Variants in ATF7IP2 observed in about 807,000 individuals in gnomAD.
ATF7IP2 encodes activating transcription factor 7 interacting protein 2.
Under a neutral mutation model 64.2 loss-of-function variants are expected in ATF7IP2, and 42 were observed. That is an observed-to-expected ratio of 0.65 (90% CI 0.51 to 0.85). The LOEUF (loss-of-function observed/expected upper bound fraction) is 0.85. Ranked by LOEUF, ATF7IP2 falls within the 40% of genes least tolerant of loss-of-function variation. The pLI, the probability that ATF7IP2 is intolerant of heterozygous loss-of-function variation, is 0.00. For missense variants in ATF7IP2, 933 were observed against 784.2 expected, an observed-to-expected ratio of 1.19 and a Z score of -2.27; for synonymous variants, 308 against 272.8, an observed-to-expected ratio of 1.13 and a Z score of -1.27.
chr16:10,473,543 T>G lies in ATF7IP2; in HGVS notation c.1482+9T>G, dbSNP rs748159651. 6.6e-7 allele frequency: 1 copy of G among 1,525,506 alleles called. No homozygotes were observed. Among genetic ancestry groups the G allele is most frequent in the Non-Finnish European group, 9.0e-7 (1 of 1,109,078 alleles). The allele number at this position is 1,525,506 out of a possible 1,614,324, so 94.5% of individuals were successfully genotyped here. ...CCAATGCTGAAGTTATGGTGAGTAA[T>G]AAATATTGACTCTGAATATTGTTTA... On this transcript the variant is annotated intron_variant, in intron 11 of 13. Coordinates refer to ENST00000562102, the MANE Select transcript of ATF7IP2 (RefSeq NM_001393719.1).
chr16:10,409,421 A>G (rs1450669405), intron 1 of ATF7IP2, among the ~76,000 whole-genome samples: 1 of 152,162 alleles, frequency 6.6e-6, no homozygotes, highest in Non-Finnish European at 1.5e-5. Context: ...TATATCTTAT[A>G]TGTAGAAGGG....
chr16:10,420,509 C>T (rs973375469), intron 3 of ATF7IP2, among the ~76,000 whole-genome samples: 1 of 152,182 alleles, frequency 6.6e-6, no homozygotes, highest in African/African-American at 2.4e-5. Flanking sequence ...GCGTTTGAGA[C>T]CAGAGGCATT....
chr16:10,389,509 C>T lies in ATF7IP2; in HGVS notation c.-242+3387C>T, dbSNP rs142694000. 4.3e-3 allele frequency among the ~76,000 whole-genome samples: 658 copies of T among 152,218 alleles called. 2 individuals are homozygous for T. Among genetic ancestry groups the T allele is most frequent in the African/African-American group, 0.015 (632 of 41,524 alleles). ...GTGAGTGCTCCCCGTCCAGTGTTAC[C>T]ATCCCCTACCATCCAATTAAAATGT... is the stretch of plus-strand genomic sequence containing the variant. On this transcript the variant is annotated intron_variant, in intron 1 of 13. Transcript: ENST00000562102.
intron 3 of ATF7IP2, among the ~76,000 whole-genome samples, chr16:10,428,061 CAG>C (rs1157388054): frequency 1.3e-5 from 2 of 152,010 alleles, no homozygotes; most frequent in East Asian, 3.9e-4. Context: ...CAAAATTAAA[CAG>C]TATATTTGTT....
At chr16:10,403,173 C>T (rs1211147127) in intron 1 of ATF7IP2, among the ~76,000 whole-genome samples, 2 of 152,152 alleles carry the variant, frequency 1.3e-5, no homozygotes, top group African/African-American at 2.4e-5. Flanking sequence ...ACTGTAAGTG[C>T]CACCTATTGG....
intron 3 of ATF7IP2, among the ~76,000 whole-genome samples, chr16:10,428,117 T>G (rs1286194183): frequency 6.6e-6 from 1 of 152,124 alleles, no homozygotes; most frequent in East Asian, 1.9e-4. Flanking sequence ...AGTAATAGAA[T>G]TATAAACTAA....
chr16:10,439,185 A>G (rs1160729219), intron 7 of ATF7IP2, among the ~76,000 whole-genome samples: 3 of 152,018 alleles, frequency 2.0e-5, no homozygotes, highest in Admixed American at 6.6e-5. Flanking sequence ...GATGTTTTTA[A>G]CCACATTAAT....
rs1567431537 is a variant in ATF7IP2 at position 10,407,513 on chromosome 16, A to T, written c.-241-7061A>T. Among the ~76,000 whole-genome samples the T allele has an allele frequency of 3.3e-5, 5 of 152,328 alleles. No homozygotes were observed. In the East Asian group the frequency reaches 7.7e-4, roughly 23 times the overall value. On this transcript the variant is annotated intron_variant, in intron 1 of 13. Coordinates refer to ENST00000562102, the MANE Select transcript of ATF7IP2 (RefSeq NM_001393719.1). ...ATACACCAAAACTAGTAATACTGAT[A>T]AATTGAGTATAGTTGCAGTATACAA...
At chr16:10,459,454 C>A (rs889305850) in intron 9 of ATF7IP2, among the ~76,000 whole-genome samples, 1 of 145,248 alleles carries the variant, frequency 6.9e-6, no homozygotes, top group Non-Finnish European at 1.5e-5. Context: ...GGCGACAGAG[C>A]GAGACTCCAT....
At chr16:10,434,570 C>A (rs1456625461) in intron 6 of ATF7IP2, among the ~76,000 whole-genome samples, 11 of 152,086 alleles carry the variant, frequency 7.2e-5, no homozygotes, top group Non-Finnish European at 1.6e-4. Context: ...GCAGAACCAG[C>A]TTAAAGGGCG....
In ATF7IP2 at chr16:10,457,443, T is replaced by A; in HGVS notation, c.1266T>A (p.Ser422=). Residue 422 remains serine, a synonymous_variant, in exon 9 of 14, where the codon TCT becomes TCA. Coordinates refer to ENST00000562102, the MANE Select transcript of ATF7IP2 (RefSeq NM_001393719.1). ...ESVNSPIEKS[S]VNYEPSNPSE... Reference sequence around the variant, plus strand: ...TTAATAGTCCAATTGAAAAGTCTTCTGTGAATTATGAGCCTTCTAACCCTT... The same window carrying A: ...TTAATAGTCCAATTGAAAAGTCTTCAGTGAATTATGAGCCTTCTAACCCTT... 6.2e-7 allele frequency: 1 copy of A among 1,607,658 alleles called. No homozygotes were observed. Among genetic ancestry groups the A allele is most frequent in the Non-Finnish European group, 8.5e-7 (1 of 1,177,326 alleles).
intron 3 of ATF7IP2, among the ~76,000 whole-genome samples, chr16:10,422,065 T>A (rs2047998097): frequency 6.6e-6 from 1 of 152,234 alleles, no homozygotes; most frequent in South Asian, 2.1e-4. Context: ...CATTATCCAT[T>A]TACCTGATTT....
intron 1 of ATF7IP2, among the ~76,000 whole-genome samples, chr16:10,410,787 G>A (rs1040054529): frequency 3.3e-5 from 5 of 152,028 alleles, no homozygotes; most frequent in Admixed American, 2.6e-4. Context: ...CAGGATATCT[G>A]CTTCTTCCTG....
intron 9 of ATF7IP2, 72 bp from the exon 10 acceptor site, chr16:10,472,038 A>G: frequency 1.5e-6 from 1 of 686,600 alleles, no homozygotes. Context: ...AGGACTCCTA[A>G]CCACTAATTG....
intron 1 of ATF7IP2, among the ~76,000 whole-genome samples, chr16:10,407,241 C>T (rs1457019150): frequency 2.6e-5 from 4 of 152,076 alleles, no homozygotes; most frequent in East Asian, 1.9e-4. Flanking sequence ...TAATAAAAGC[C>T]GTATATGACA....
chr16:10,422,469 A>C (rs2048005086), intron 3 of ATF7IP2, among the ~76,000 whole-genome samples: 1 of 152,044 alleles, frequency 6.6e-6, no homozygotes, highest in East Asian at 1.9e-4. Flanking sequence ...CTCCCCCATA[A>C]ATTTATAGGT....
intron 3 of ATF7IP2, among the ~76,000 whole-genome samples, chr16:10,426,488 G>A (rs888106042): frequency 6.6e-6 from 1 of 152,182 alleles, no homozygotes; most frequent in Non-Finnish European, 1.5e-5. Flanking sequence ...AGTTTAACCA[G>A]TTATGAAGTG....
At chr16:10,396,733 C>T (rs1339856139) in intron 1 of ATF7IP2, among the ~76,000 whole-genome samples, 1 of 152,130 alleles carries the variant, frequency 6.6e-6, no homozygotes, top group Non-Finnish European at 1.5e-5. Flanking sequence ...ACTGCAGCCT[C>T]CACCTCCTGG....
At chr16:10,439,759 C>G (rs1367369137) in intron 7 of ATF7IP2, among the ~76,000 whole-genome samples, 1 of 150,460 alleles carries the variant, frequency 6.6e-6, no homozygotes, top group African/African-American at 2.4e-5. Flanking sequence ...GTCTCAAACT[C>G]CTGACCTCAA....
Sources: gnomAD v4.1 joint callset for allele counts (sites outside exome capture counted in the v4.1 genomes callset) on GRCh38, gnomAD v4.1.1 for gene constraint, MANE v1.5 for transcripts, NCBI Gene and HGNC (gene_info 2026-07-23, HGNC 2026-07-21) for gene names.